Variants in TACC2 observed in about 807,000 individuals in gnomAD.
The protein encoded by TACC2 is transforming acidic coiled-coil containing protein 2.
A neutral mutation model predicts 227.3 loss-of-function variants in TACC2; 137 were observed. The ratio of observed to expected loss-of-function variants is 0.60; its 90% confidence interval spans 0.52 to 0.69. The LOEUF (loss-of-function observed/expected upper bound fraction) is 0.69, where lower values mean the gene tolerates loss of function less well. Ranked by LOEUF, TACC2 falls within the 30% of genes least tolerant of loss-of-function variation. The probability of loss-of-function intolerance (pLI) is 0.00; values close to 1 mark genes in which losing one functional copy is unlikely to be tolerated. For missense variants in TACC2, 3,470 were observed against 3,694.4 expected (o/e 0.94, Z 1.57); for synonymous variants, 1,523 against 1,487.5 (o/e 1.02, Z -0.55).
intron 8 of TACC2, among the ~76,000 whole-genome samples, chr10:122,207,288 G>T (rs972030992): frequency 1.3e-5 from 2 of 148,270 alleles, no homozygotes; most frequent in African/African-American, 5.0e-5. Flanking sequence ...GATGGAATGG[G>T]ACTATTTCAA....
At chr10:122,073,045 G>A (rs1294072421) in intron 3 of TACC2, among the ~76,000 whole-genome samples, 16 of 145,072 alleles carry the variant, frequency 1.1e-4, no homozygotes, top group Admixed American at 3.5e-4. Flanking sequence ...CCCAGGAGGC[G>A]GAGCTTGCAG....
At chr10:122,149,963 C>G (rs572561056) in intron 7 of TACC2, among the ~76,000 whole-genome samples, 1 of 152,232 alleles carries the variant, frequency 6.6e-6, no homozygotes, top group African/African-American at 2.4e-5. Context: ...GATGGGTCCC[C>G]TGGTTCCCGC....
chr10:122,033,436 A>G (rs1959192295), intron 2 of TACC2, among the ~76,000 whole-genome samples: 1 of 152,188 alleles, frequency 6.6e-6, no homozygotes, highest in Non-Finnish European at 1.5e-5. Flanking sequence ...GCCAGCAGAA[A>G]GGAACGTAGA....
intron 3 of TACC2, among the ~76,000 whole-genome samples, chr10:122,074,456 A>G (rs185253579): frequency 1.3e-5 from 2 of 152,236 alleles, no homozygotes; most frequent in African/African-American, 4.8e-5. Flanking sequence ...CCCTTCATAG[A>G]GTTGTAAACT....
At chr10:122,090,267 G>C (rs140477535) in intron 5 of TACC2, among the ~76,000 whole-genome samples, 8,214 of 151,996 alleles carry the variant, frequency 0.054, 240 homozygotes, top group South Asian at 0.12. Flanking sequence ...TACAGAAGGG[G>C]CAGGTGTGGT....
At chr10:122,029,252 G>A (rs887033490) in intron 2 of TACC2, among the ~76,000 whole-genome samples, 1 of 151,754 alleles carries the variant, frequency 6.6e-6, no homozygotes, top group African/African-American at 2.4e-5. Context: ...ATGAGTGTTC[G>A]GTTTTGTCAG....
At chr10:122,249,296 A>C (rs1446119192) in intron 21 of TACC2, 140 bp downstream of exon 21, 1 of 738,934 alleles carries the variant, frequency 1.4e-6, no homozygotes, top group Non-Finnish European at 2.3e-6. Context: ...ATAAGACTCG[A>C]GAGAAGGCAC....
intron 7 of TACC2, among the ~76,000 whole-genome samples, chr10:122,149,704 A>T (rs930187254): frequency 1.4e-4 from 21 of 152,212 alleles, no homozygotes; most frequent in African/African-American, 5.1e-4. Flanking sequence ...CCAGCGCGGC[A>T]CTTTGCCTTG....
intron 2 of TACC2, among the ~76,000 whole-genome samples, chr10:122,046,452 T>C (rs997526329): frequency 6.6e-6 from 1 of 151,448 alleles, no homozygotes; most frequent in Admixed American, 6.6e-5. Flanking sequence ...CCAGCCTGGG[T>C]GACAGAGTGA....
At chr10:122,238,787 G>A (rs557487428) in intron 18 of TACC2, among the ~76,000 whole-genome samples, 3 of 152,046 alleles carry the variant, frequency 2.0e-5, no homozygotes, top group South Asian at 2.1e-4. Flanking sequence ...TATTTTTGAC[G>A]TATTTTTTAT....
chr10:122,007,973 C>T (rs1165666919), intron 1 of TACC2, among the ~76,000 whole-genome samples: 1 of 152,156 alleles, frequency 6.6e-6, no homozygotes, highest in East Asian at 1.9e-4. Flanking sequence ...CTCTGACCAC[C>T]TCAGGACTCT....
At chr10:122,161,961 A>T (rs2092839367) in intron 7 of TACC2, among the ~76,000 whole-genome samples, 1 of 152,186 alleles carries the variant, frequency 6.6e-6, no homozygotes, top group Non-Finnish European at 1.5e-5. Context: ...TGGTGACAGG[A>T]TGAACAGGTT....
At chr10:122,201,419 C>G (rs2094846574) in intron 8 of TACC2, among the ~76,000 whole-genome samples, 1 of 151,830 alleles carries the variant, frequency 6.6e-6, no homozygotes, top group African/African-American at 2.4e-5. Flanking sequence ...GTGGCCACAT[C>G]TACACTGAGA....
chr10:122,210,098 T>C lies in TACC2; in HGVS notation c.5972-299T>C. On this transcript the variant is annotated intron_variant, in intron 8 of 22. Transcript: ENST00000369005. This position sits in a 1 kb window ranked among gnomAD's most constrained non-coding sequence, Gnocchi z 4.6. ...AATCTCTAGTACCTAGAACCATGTCTGGTCCTGATTAGGCACTTGGTGAAT... is the reference window on the plus strand; with the variant it reads ...AATCTCTAGTACCTAGAACCATGTCCGGTCCTGATTAGGCACTTGGTGAAT... 4.5e-6 allele frequency: 2 copies of C among 443,232 alleles called. No homozygotes were observed. The highest frequency in any genetic ancestry group is 8.2e-6 in the Non-Finnish European group (2 of 242,850). 27.5% of individuals were successfully genotyped at this position (443,232 alleles called of 1,614,324 possible).
chr10:122,042,136 G>C (rs1214379019), intron 2 of TACC2, among the ~76,000 whole-genome samples: 2 of 151,970 alleles, frequency 1.3e-5, no homozygotes, highest in African/African-American at 4.8e-5. Context: ...TAGTAGAGAC[G>C]GGGTTTCACC....
chr10:122,157,157 C>T (rs146832293), intron 7 of TACC2, among the ~76,000 whole-genome samples: 4 of 152,096 alleles, frequency 2.6e-5, no homozygotes, highest in Non-Finnish European at 5.9e-5. Context: ...GAGGAGCATA[C>T]GAGGGAGGAT....
intron 12 of TACC2, among the ~76,000 whole-genome samples, chr10:122,225,504 G>A (rs934147726): frequency 6.6e-6 from 1 of 152,240 alleles, no homozygotes; most frequent in Admixed American, 6.5e-5. Context: ...AGCTTCCTGA[G>A]TAAAGCACAT....
At chr10:122,186,258 AG>A (rs2094187946) in intron 7 of TACC2, among the ~76,000 whole-genome samples, 1 of 152,098 alleles carries the variant, frequency 6.6e-6, no homozygotes, top group Non-Finnish European at 1.5e-5. Flanking sequence ...ATATTTTTTA[AG>A]AATCTCACTT....
intron 2 of TACC2, among the ~76,000 whole-genome samples, chr10:122,049,017 G>A (rs1003697590): frequency 2.0e-5 from 3 of 152,194 alleles, no homozygotes; most frequent in South Asian, 2.1e-4. Flanking sequence ...TCTAAAGGAG[G>A]CCTATATTAT....
Sources: allele counts gnomAD v4.1 joint callset (sites outside exome capture counted in the v4.1 genomes callset), GRCh38; gene constraint gnomAD v4.1.1; non-coding constraint Gnocchi (gnomAD v3.1); transcripts MANE v1.5; gene names NCBI Gene and HGNC (gene_info 2026-07-23, HGNC 2026-07-21).